The following SEMA5A variants were observed in gnomAD, a reference collection of about 807,000 sequenced individuals.
SEMA5A encodes semaphorin-5A.
SEMA5A carries 55 observed loss-of-function variants against 135.5 expected under a neutral mutation model. The ratio of observed to expected loss-of-function variants is 0.41; its 90% CI spans 0.33 to 0.51. The LOEUF (loss-of-function observed/expected upper bound fraction) is 0.51. Among genes scored for constraint, SEMA5A ranks in the 20% least tolerant of loss-of-function variants. SEMA5A has a pLI of 0.37. For missense variants in SEMA5A, 1,290 were observed against 1,419.9 expected (o/e 0.91, Z 1.47); for synonymous variants, 580 against 546.5 (o/e 1.06, Z -0.85).
intron 3 of SEMA5A, among the ~76,000 whole-genome samples, chr5:9,346,929 T>G (rs958474117): frequency 6.6e-6 from 1 of 151,404 alleles, no homozygotes; most frequent in Non-Finnish European, 1.5e-5. Flanking sequence ...TATATATATA[T>G]GTATTTGCCT....
In SEMA5A at chr5:9,356,699, G is replaced by A. The variant is rs151013501; in HGVS notation, c.125-18887C>T. Among the ~76,000 whole-genome samples the A allele has an allele frequency of 5.3e-4, 81 of 152,258 alleles. 1 individual carries two copies. Among genetic ancestry groups the A allele is most frequent in the African/African-American group, 1.8e-3 (76 of 41,556 alleles). On this transcript the variant is annotated intron_variant, in intron 3 of 22. Coordinates refer to ENST00000382496, the MANE Select transcript of SEMA5A (RefSeq NM_003966.3). ...TTTTCTTCTTTCTTTGTTTGCAACC[G>A]GGGTTCAAAGAAATTCACTGTGCAA...
chr5:9,069,022 G>A (rs1268963168), intron 16 of SEMA5A, among the ~76,000 whole-genome samples: 1 of 152,190 alleles, frequency 6.6e-6, no homozygotes, highest in Non-Finnish European at 1.5e-5. Context: ...GACGTACAGG[G>A]AAGGTGGTCT....
chr5:9,471,587 A>G (rs761067184), intron 1 of SEMA5A, among the ~76,000 whole-genome samples: 24 of 152,198 alleles, frequency 1.6e-4, no homozygotes, highest in Non-Finnish European at 3.1e-4. Context: ...ATTTTTAGCA[A>G]AGTAACCCGT....
chr5:9,162,538 ATGTGTG>A (rs1743332857), intron 11 of SEMA5A, among the ~76,000 whole-genome samples: 1 of 73,504 alleles, frequency 1.4e-5, no homozygotes, highest in African/African-American at 3.7e-5. Context: ...ATATATATGT[ATGTGTG>A]TATATATGTG....
chr5:9,243,254 G>T, intron 5 of SEMA5A, among the ~76,000 whole-genome samples: 1 of 152,084 alleles, frequency 6.6e-6, no homozygotes, highest in South Asian at 2.1e-4. Flanking sequence ...GGGGTCTGCC[G>T]CTGACCTGTG....
At chr5:9,393,955 T>C (rs923074111) in intron 2 of SEMA5A, among the ~76,000 whole-genome samples, 2 of 152,162 alleles carry the variant, frequency 1.3e-5, no homozygotes, top group African/African-American at 4.8e-5. Flanking sequence ...AACAGCTATA[T>C]GCAAAGTAAA....
chr5:9,363,434 G>GT (rs1754785105), intron 3 of SEMA5A: 1 of 150,464 alleles, frequency 6.6e-6, no homozygotes. Flanking sequence ...GTAAGGGGGG[G>GT]TCATAATTAC....
intron 5 of SEMA5A, among the ~76,000 whole-genome samples, chr5:9,314,180 G>T (rs943275698): frequency 6.6e-6 from 1 of 152,108 alleles, no homozygotes; most frequent in Non-Finnish European, 1.5e-5. Context: ...CAACCCCCAT[G>T]ATTTGTGGTA....
intron 3 of SEMA5A, among the ~76,000 whole-genome samples, chr5:9,362,045 T>G (rs1754720663): frequency 1.3e-5 from 2 of 152,190 alleles, no homozygotes; most frequent in African/African-American, 2.4e-5. Flanking sequence ...GGCCCCAGTT[T>G]CGTCTTCATG....
intron 2 of SEMA5A, among the ~76,000 whole-genome samples, chr5:9,430,236 C>G (rs1304281649): frequency 1.3e-5 from 2 of 152,110 alleles, no homozygotes; most frequent in South Asian, 4.1e-4. Flanking sequence ...AGGAACTCTA[C>G]AGAAGGACAT....
rs1755775984 is a variant in SEMA5A, at chr5:9,384,619, CAT to C, written c.-77-4598_-77-4597del. Among the ~76,000 whole-genome samples, 56 of 85,812 alleles carry C rather than the reference CAT, an allele frequency of 6.5e-4. 2 individuals are homozygous for C. Among genetic ancestry groups the C allele is most frequent in the African/African-American group, 2.3e-3 (53 of 22,636 alleles). The allele number at this position is 85,812 out of a possible 152,430, so 56.3% of individuals were successfully genotyped here. On this transcript the variant is annotated intron_variant, in intron 2 of 22. Transcript: ENST00000382496. Reference sequence around the variant, plus strand: ...AGATAGATAGATAGATAGATAGATACATAGATAGATAGATAGATAGATAGATA... The same window carrying C: ...AGATAGATAGATAGATAGATAGATACAGATAGATAGATAGATAGATAGATA...
intron 5 of SEMA5A, among the ~76,000 whole-genome samples, chr5:9,303,127 T>A (rs972370365): frequency 1.3e-5 from 2 of 150,950 alleles, no homozygotes; most frequent in Non-Finnish European, 3.0e-5. Context: ...TAATTTTTTT[T>A]TTTTTTTGAG....
In SEMA5A at chr5:9,267,369, T is replaced by G. The variant is rs186200100; in HGVS notation, c.271-29479A>C. 1.1e-3 allele frequency among the ~76,000 whole-genome samples: 172 copies of G among 152,270 alleles called. 1 individual carries two copies. The East Asian group carries it at 0.026, about 23-fold the overall frequency. On this transcript the variant is annotated intron_variant, in intron 5 of 22. Coordinates refer to ENST00000382496, the MANE Select transcript of SEMA5A (RefSeq NM_003966.3). ...AACTCTGCTGAGCTGAAACCATCAA[T>G]TCCTTGTGACAGTTCATTGAATCTT...
At chr5:9,316,691 T>C (rs1404561546) in intron 5 of SEMA5A, among the ~76,000 whole-genome samples, 1 of 152,206 alleles carries the variant, frequency 6.6e-6, no homozygotes, top group Admixed American at 6.5e-5. Context: ...TATATATTGA[T>C]AGTGTACAAC....
At chr5:9,312,860 G>T (rs1191851613) in intron 5 of SEMA5A, among the ~76,000 whole-genome samples, 1 of 152,136 alleles carries the variant, frequency 6.6e-6, no homozygotes, top group African/African-American at 2.4e-5. Context: ...TCCTTTGGGA[G>T]CCACCCCACA....
At chr5:9,511,385 A>G (rs1230372032) in intron 1 of SEMA5A, 1 of 152,192 alleles carries the variant, frequency 6.6e-6, no homozygotes, top group Non-Finnish European at 1.5e-5. Flanking sequence ...ACAGAGCCTT[A>G]TGTTTTCATC....
At chr5:9,084,821 G>C (rs930695933) in intron 16 of SEMA5A, among the ~76,000 whole-genome samples, 1 of 152,170 alleles carries the variant, frequency 6.6e-6, no homozygotes, top group Non-Finnish European at 1.5e-5. Context: ...GAACAGTTTG[G>C]AGGGCTCAGA....
chr5:9,506,785 C>A (rs969981946), intron 1 of SEMA5A, among the ~76,000 whole-genome samples: 1 of 152,176 alleles, frequency 6.6e-6, no homozygotes, highest in Admixed American at 6.5e-5. Flanking sequence ...ACACAATCAA[C>A]ACCAATTCCC....
chr5:9,396,250 A>G (rs1443622371), intron 2 of SEMA5A, among the ~76,000 whole-genome samples: 4 of 108,704 alleles, frequency 3.7e-5, no homozygotes, highest in African/African-American at 1.1e-4. Flanking sequence ...GTGCGTGCAC[A>G]CACACACACA....
Sources: allele counts gnomAD v4.1 joint callset (sites outside exome capture counted in the v4.1 genomes callset), GRCh38; gene constraint gnomAD v4.1.1; transcripts MANE v1.5; gene names NCBI Gene and HGNC (gene_info 2026-07-23, HGNC 2026-07-21).